The following CAMK1D variants were observed in gnomAD, a reference collection of about 807,000 sequenced individuals.
CAMK1D encodes the protein calcium/calmodulin dependent protein kinase ID.
In CAMK1D, 9 loss-of-function variants were observed where a neutral mutation model predicts 47.7. That is an observed-to-expected ratio of 0.19 (90% CI 0.11 to 0.33). CAMK1D has a LOEUF of 0.33. CAMK1D is among the 10% of genes least tolerant of loss of function. CAMK1D has a pLI of 1.00. For missense variants in CAMK1D, 291 were observed against 488.7 expected, an observed-to-expected ratio of 0.60 and a Z score of 3.81; for synonymous variants, 184 against 184.9, an observed-to-expected ratio of 0.99 and a Z score of 0.04.
In CAMK1D at chr10:12,829,158, T is replaced by C. The variant is rs574029458; in HGVS notation, c.*271T>C. 5.5e-6 allele frequency: 2 copies of C among 362,792 alleles called. No homozygotes were observed. The allele number at this position is 362,792 out of a possible 1,614,324, so 22.5% of individuals were successfully genotyped here. ...AAAGCTCTAACTGAACGGACCTTCT[T>C]ATTCCTCTCCCCTAACACCATCGTT... On this transcript the variant is annotated 3_prime_UTR_variant, in exon 11 of 11. Transcript: ENST00000619168.
intron 2 of CAMK1D, among the ~76,000 whole-genome samples, chr10:12,657,459 A>AAATAAATAAAT (rs1840151960): frequency 1.3e-5 from 1 of 75,376 alleles, no homozygotes; most frequent in Non-Finnish European, 3.1e-5. Context: ...AATAAATAAA[A>AAATAAATAAAT]ACACCTTTCT....
intron 1 of CAMK1D, among the ~76,000 whole-genome samples, chr10:12,436,303 A>C (rs542640878): frequency 6.6e-6 from 1 of 152,150 alleles, no homozygotes; most frequent in South Asian, 2.1e-4. Flanking sequence ...CTGTGGACCT[A>C]AGGGTTTGTG....
At chr10:12,789,331 A>AT (rs910454904) in intron 5 of CAMK1D, among the ~76,000 whole-genome samples, 1 of 152,236 alleles carries the variant, frequency 6.6e-6, no homozygotes, top group African/African-American at 2.4e-5. Flanking sequence ...TTGGACACCC[A>AT]TGTAAACCTA....
chr10:12,463,924 G>A (rs186186620), intron 1 of CAMK1D, among the ~76,000 whole-genome samples: 220 of 152,062 alleles, frequency 1.4e-3, no homozygotes, highest in African/African-American at 5.2e-3. Flanking sequence ...TCTCCTTCCT[G>A]CCGCCTTGTG....
intron 1 of CAMK1D, among the ~76,000 whole-genome samples, chr10:12,543,208 C>T (rs970131458): frequency 1.5e-4 from 23 of 152,074 alleles, no homozygotes; most frequent in East Asian, 9.7e-4. Context: ...CCACCACGCC[C>T]GGCTAATTTT....
intron 6 of CAMK1D, among the ~76,000 whole-genome samples, chr10:12,803,436 C>A (rs760446002): frequency 6.6e-6 from 1 of 152,162 alleles, no homozygotes; most frequent in Non-Finnish European, 1.5e-5. Flanking sequence ...AATCCCAGCA[C>A]TTTGGGAGGC....
At chr10:12,549,709 A>G (rs1022358345) in intron 1 of CAMK1D, among the ~76,000 whole-genome samples, 4 of 151,936 alleles carry the variant, frequency 2.6e-5, no homozygotes, top group African/African-American at 9.7e-5. Flanking sequence ...TCTTGACATA[A>G]CTCCGTGCCG....
intron 3 of CAMK1D, among the ~76,000 whole-genome samples, chr10:12,698,725 T>G (rs1461808160): frequency 1.5e-5 from 2 of 129,852 alleles, no homozygotes; most frequent in African/African-American, 5.7e-5. Flanking sequence ...CAGGCTGGAG[T>G]GCAGTGGTGT....
intron 3 of CAMK1D, among the ~76,000 whole-genome samples, chr10:12,715,079 C>T (rs1416400491): frequency 1.3e-5 from 2 of 152,040 alleles, no homozygotes; most frequent in Non-Finnish European, 2.9e-5. Context: ...TGTCTGTATC[C>T]ACTCACCAAT....
chr10:12,677,908 C>G (rs1840865638), intron 3 of CAMK1D, among the ~76,000 whole-genome samples: 2 of 152,118 alleles, frequency 1.3e-5, no homozygotes, highest in Admixed American at 6.5e-5. Context: ...CTCAATACCT[C>G]TGGTTGCTAC....
intron 1 of CAMK1D, among the ~76,000 whole-genome samples, chr10:12,497,475 CA>C (rs56786154): frequency 0.39 from 35,027 of 88,980 alleles, 3,979 homozygotes; most frequent in African/African-American, 0.43. Flanking sequence ...GACTCCATCT[CA>C]AAAAAAAAAA....
chr10:12,518,982 C>T (rs1369202419), intron 1 of CAMK1D, among the ~76,000 whole-genome samples: 3 of 123,382 alleles, frequency 2.4e-5, no homozygotes, highest in Non-Finnish European at 1.8e-5. Flanking sequence ...CATCATGGCC[C>T]ATCCCCAATG....
intron 3 of CAMK1D, among the ~76,000 whole-genome samples, chr10:12,671,637 A>G (rs563857408): frequency 1.2e-4 from 18 of 151,862 alleles, no homozygotes; most frequent in Admixed American, 2.0e-4. Context: ...ATATATATAC[A>G]CGTATACACA....
In CAMK1D at chr10:12,835,376, A is replaced by C. The variant is rs1391798839; in HGVS notation, c.*6489A>C. ...ATTCCATGCATGTAATAAACTCTGCAAGAAGTTTAACCCACATAGGTTTGC... is the reference window on the plus strand; with the variant it reads ...ATTCCATGCATGTAATAAACTCTGCCAGAAGTTTAACCCACATAGGTTTGC... On this transcript the variant is annotated 3_prime_UTR_variant, in exon 11 of 11. Transcript: ENST00000619168. 6.6e-6 allele frequency: 1 copy of C among 152,244 alleles called. No individual in the cohort carries two copies. The highest frequency in any genetic ancestry group is 1.5e-5 in the Non-Finnish European group (1 of 68,042). The allele number at this position is 152,244 out of a possible 1,614,324, so 9.4% of individuals were successfully genotyped here. A position where few individuals can be genotyped will look rare whatever the true frequency, so the allele number is the denominator to read the frequency against.
intron 3 of CAMK1D, among the ~76,000 whole-genome samples, chr10:12,691,421 A>ATTTTT (rs869207786): frequency 1.6e-3 from 7 of 4,298 alleles, no homozygotes; most frequent in African/African-American, 2.5e-3. Context: ...ATATATATAT[A>ATTTTT]TTTTTTTTTT....
chr10:12,655,557 G>A (rs75937515), intron 2 of CAMK1D, among the ~76,000 whole-genome samples: 21 of 152,182 alleles, frequency 1.4e-4, no homozygotes, highest in Admixed American at 1.4e-3. Context: ...CTTTTGGAAG[G>A]TGAGAATTAA....
At chr10:12,734,468 ATATGTGTATATATACACATATG>A (rs1835079032) in intron 3 of CAMK1D, among the ~76,000 whole-genome samples, 2 of 5,946 alleles carry the variant, frequency 3.4e-4, no homozygotes, top group Non-Finnish European at 2.9e-3. Context: ...ACACATACAC[ATATGTGTATATATACACATATG>A]TATATATATA....
chr10:12,595,254 A>G (rs1838108493), intron 2 of CAMK1D, among the ~76,000 whole-genome samples: 1 of 140,640 alleles, frequency 7.1e-6, no homozygotes, highest in African/African-American at 2.6e-5. Context: ...AGGCAGGAGA[A>G]TCGCTTGCAC....
intron 4 of CAMK1D, among the ~76,000 whole-genome samples, chr10:12,766,290 CTGCCAT>C (rs1836757410): frequency 3.5e-5 from 5 of 143,384 alleles, no homozygotes; most frequent in Non-Finnish European, 4.5e-5. Context: ...GCCCCGTGCC[CTGCCAT>C]CCCCACCCTA....
Sources: gnomAD v4.1 joint callset for allele counts (sites outside exome capture counted in the v4.1 genomes callset) on GRCh38, gnomAD v4.1.1 for gene constraint, MANE v1.5 for transcripts, NCBI Gene and HGNC (gene_info 2026-07-23, HGNC 2026-07-21) for gene names.